The following RNF213 variants were observed in gnomAD, a reference collection of about 807,000 sequenced individuals.
RNF213 encodes the protein ring finger protein 213.
A neutral mutation model predicts 514.4 loss-of-function variants in RNF213; 341 were observed. That is an observed-to-expected ratio of 0.66 (90% confidence interval 0.61 to 0.73). The LOEUF (loss-of-function observed/expected upper bound fraction) is 0.73, where lower values mean the gene tolerates loss of function less well. Ranked by LOEUF, RNF213 falls within the 30% of genes least tolerant of loss-of-function variation. The probability of loss-of-function intolerance (pLI) is 0.00; values close to 1 mark genes in which losing one functional copy is unlikely to be tolerated. For synonymous variants in RNF213, 2,655 were observed against 2,658.2 expected (o/e 1.00, Z 0.04); for missense variants, 5,767 against 6,615.6 (o/e 0.87, Z 4.45).
chr17:80,342,673 A>G (rs1382106781), intron 26 of RNF213, among the ~76,000 whole-genome samples: 2 of 146,514 alleles, frequency 1.4e-5, no homozygotes, highest in South Asian at 2.1e-4. Context: ...TATATATTCT[A>G]TATACTTCCA....
intron 38 of RNF213, among the ~76,000 whole-genome samples, chr17:80,361,071 A>C (rs1015013923): frequency 6.6e-6 from 1 of 152,190 alleles, no homozygotes. Flanking sequence ...ATTTACTTGG[A>C]CCCGGGGGTT....
At position 80,386,369 on chromosome 17, in the gene RNF213, T is replaced by C. The variant is rs760685786; in HGVS notation, c.14659T>C (p.Leu4887=). The C allele has an allele frequency of 2.5e-6, 4 of 1,614,194 alleles. No homozygotes were observed. The highest frequency in any genetic ancestry group is 4.5e-5 in the East Asian group (2 of 44,872). ...GLCATALVSY[L]IRLHNEIVYA... ...CTGTGCTACCGCTCTCGTCAGCTAC[T>C]TGATTCGCCTACACAATGAAATTGT... is the stretch of plus-strand genomic sequence containing the variant. The change falls in exon 62 of 68, where the codon TTG becomes CTG. Residue 4887 remains leucine, a synonymous_variant. Coordinates refer to ENST00000582970, the MANE Select transcript of RNF213 (RefSeq NM_001256071.3).
At position 80,345,360 on chromosome 17, in the gene RNF213, A is replaced by G. The variant is rs1265715618; in HGVS notation, c.7025A>G (p.Lys2342Arg). The G allele has an allele frequency of 1.2e-6, 2 of 1,614,118 alleles. No homozygotes were observed. Among genetic ancestry groups the G allele is most frequent in the East Asian group, 2.2e-5 (1 of 44,880 alleles). The stretch of plus-strand genomic sequence containing the variant: ...AGTCACTTGACTGGGAAGGTCATCA[A>G]GAGAGACGTCATGACCAGGGACCTG... ...AISHLTGKVI[K>R]RDVMTRDLYQ... is the part of the protein sequence containing the mutation. The change falls in exon 29 of 68, where the codon AAG (lysine) becomes AGG (arginine). Residue 2342 changes from lysine (K) to arginine (R), a missense_variant. Coordinates refer to ENST00000582970, the MANE Select transcript of RNF213 (RefSeq NM_001256071.3). This position sits in a 1 kb window ranked among gnomAD's most constrained non-coding sequence, Gnocchi z 6.0.
At position 80,319,329 on chromosome 17, in the gene RNF213, C is replaced by T. The variant is rs201062816; in HGVS notation, c.3024+17C>T. ...GCCTGCCAGGTGAACAATCTCTCCTCCTGGGAAACGGATTCGGGCTCACAG... is the reference window on the plus strand; with the variant it reads ...GCCTGCCAGGTGAACAATCTCTCCTTCTGGGAAACGGATTCGGGCTCACAG... On this transcript the variant is annotated intron_variant, in intron 17 of 67. Transcript: ENST00000582970. 1.9e-6 allele frequency: 3 copies of T among 1,614,234 alleles called. No homozygotes were observed. Among genetic ancestry groups the T allele is most frequent in the Non-Finnish European group, 1.7e-6 (2 of 1,180,046 alleles).
rs758384014 is a variant in RNF213 at position 80,307,177 on chromosome 17, G to A, written c.2477G>A (p.Arg826Gln). 1.4e-5 allele frequency: 22 copies of A among 1,613,476 alleles called. No individual in the cohort carries two copies. The highest frequency in any genetic ancestry group is 8.3e-5 in the Admixed American group (5 of 59,934). ...CAGAACATTTTAGAAATGCTGTTGCGACTCCTGGACACTTACCGGGACAAG... is the reference window on the plus strand; with the variant it reads ...CAGAACATTTTAGAAATGCTGTTGCAACTCCTGGACACTTACCGGGACAAG... Reference protein sequence around the residue: ...NVQNILEMLLRLLDTYRDKIP... With the variant: ...NVQNILEMLLQLLDTYRDKIP... Residue 826 changes from arginine (R) to glutamine (Q), a missense_variant, in exon 13 of 68, where the codon CGA becomes CAA. Arg to Gln is a conservative substitution (Grantham distance 43, BLOSUM62 1). Coordinates refer to ENST00000582970, the MANE Select transcript of RNF213 (RefSeq NM_001256071.3).
In RNF213 at chr17:80,336,702, TTA is replaced by T. The variant is rs1334138239; in HGVS notation, c.4527+326_4527+327del. The T allele has an allele frequency of 1.1e-5, 4 of 359,602 alleles. No homozygotes were observed. In the East Asian group the frequency reaches 2.9e-4, roughly 26 times the overall value. 22.3% of individuals were successfully genotyped at this position (359,602 alleles called of 1,614,324 possible). A position where few individuals can be genotyped will look rare whatever the true frequency, so the allele number is the denominator to read the frequency against. On this transcript the variant is annotated intron_variant, in intron 23 of 67. Coordinates refer to ENST00000582970, the MANE Select transcript of RNF213 (RefSeq NM_001256071.3). ...TGTCATTTTATTCTGTTACTTTTTGTTATTTTCTATAATTGATAGAATTTTTT... is the reference window on the plus strand; with the variant it reads ...TGTCATTTTATTCTGTTACTTTTTGTTTTTCTATAATTGATAGAATTTTTT...
intron 52 of RNF213, 55 bp from the exon 53 acceptor site, chr17:80,376,827 C>A: frequency 6.8e-7 from 1 of 1,469,756 alleles, no homozygotes; most frequent in Non-Finnish European, 9.5e-7. Flanking sequence ...TGAGCAGCAG[C>A]ACCCAGGTGA....
At chr17:80,357,054 G>C (rs529524237) in intron 36 of RNF213, among the ~76,000 whole-genome samples, 1 of 151,842 alleles carries the variant, frequency 6.6e-6, no homozygotes, top group Non-Finnish European at 1.5e-5. Context: ...GAGTAGCTGG[G>C]ATTACAGGTG....
chr17:80,268,636 C>T lies in RNF213; in HGVS notation c.98-4605C>T, dbSNP rs75771827. Among the ~76,000 whole-genome samples, 478 of 104,786 alleles carry T rather than the reference C, an allele frequency of 4.6e-3. 1 individual carries two copies. The highest frequency in any genetic ancestry group is 0.02 in the Middle Eastern group (5 of 252). 68.7% of individuals were successfully genotyped at this position (104,786 alleles called of 152,430 possible). Reference sequence around the variant, plus strand: ...CCATCCATCCATCCATCCATCCATCCGTTTATCTGTCTATCTATCTGTCAT... The same window carrying T: ...CCATCCATCCATCCATCCATCCATCTGTTTATCTGTCTATCTATCTGTCAT... On this transcript the variant is annotated intron_variant, in intron 2 of 67. Transcript: ENST00000582970.
intron 22 of RNF213, 151 bp from the exon 23 acceptor site, chr17:80,336,010 G>A: frequency 3.3e-6 from 2 of 610,546 alleles, no homozygotes; most frequent in South Asian, 4.2e-5. Flanking sequence ...AAGATTAGGT[G>A]TTCCGGACTC....
intron 15 of RNF213, chr17:80,315,640 GTGGTAA>G (rs1194603253): frequency 1.6e-5 from 2 of 128,580 alleles, no homozygotes; most frequent in East Asian, 2.4e-4. Flanking sequence ...GATGGTGGTG[GTGGTAA>G]TGGAGGTGAT....
intron 56 of RNF213, chr17:80,381,269 C>T (rs1460633228): frequency 1.7e-6 from 1 of 595,316 alleles, no homozygotes; most frequent in Non-Finnish European, 3.0e-6. Flanking sequence ...ATTATTTTAC[C>T]TGTGTCTTCA....
At chr17:80,337,560 C>T (rs7211876) in intron 23 of RNF213, 26 bp from the exon 24 acceptor site, 287,497 of 1,535,182 alleles carry the variant, frequency 0.19, 28,041 homozygotes, top group East Asian at 0.28. Flanking sequence ...AACCGTGGCC[C>T]GTGTTCTCTC....
chr17:80,353,688 C>T lies in RNF213; in HGVS notation c.10578+22C>T. 6.2e-7 allele frequency: 1 copy of T among 1,614,104 alleles called. No individual in the cohort carries two copies. Among genetic ancestry groups the T allele is most frequent in the Non-Finnish European group, 8.5e-7 (1 of 1,179,978 alleles). On this transcript the variant is annotated intron_variant, in intron 34 of 67. Transcript: ENST00000582970. This position sits in a 1 kb window ranked among gnomAD's most constrained non-coding sequence, Gnocchi z 5.0. ...TGATGTAAGTTCTGGTTCTTGGGAC[C>T]TCCCCTTGTGCTGCTGGTGATGCTT...
chr17:80,288,580 G>A lies in RNF213; in HGVS notation c.811-53G>A, dbSNP rs980025372. ...TGCTGCCCCTTAAACCATTGAGTCGGAGTCACCCTGGCCCATTTTGTCACC... is the reference window on the plus strand; with the variant it reads ...TGCTGCCCCTTAAACCATTGAGTCGAAGTCACCCTGGCCCATTTTGTCACC... On this transcript the variant is annotated intron_variant, in intron 4 of 67. Coordinates refer to ENST00000582970, the MANE Select transcript of RNF213 (RefSeq NM_001256071.3). The surrounding 1 kb of genome is among the most constrained non-coding windows in gnomAD (Gnocchi z 4.9). 1.9e-6 allele frequency: 3 copies of A among 1,613,822 alleles called. No homozygotes were observed. Among genetic ancestry groups the A allele is most frequent in the Non-Finnish European group, 2.5e-6 (3 of 1,180,038 alleles).
chr17:80,350,082 G>T (rs561067580), intron 30 of RNF213, among the ~76,000 whole-genome samples, 176 bp downstream of exon 30: 1 of 152,194 alleles, frequency 6.6e-6, no homozygotes, highest in East Asian at 1.9e-4. Context: ...CTGCAACGCG[G>T]TGTCTGGCCT....
intron 3 of RNF213, among the ~76,000 whole-genome samples, chr17:80,278,424 G>A (rs1163481873): frequency 1.3e-5 from 2 of 152,238 alleles, no homozygotes; most frequent in East Asian, 1.9e-4. Context: ...CAAGGCATTC[G>A]TGTGGAGGCC....
In RNF213 at chr17:80,385,306, G is replaced by A. The variant is rs948771044; in HGVS notation, c.14455+135G>A. 2.1e-4 allele frequency: 238 copies of A among 1,151,290 alleles called. 1 individual carries two copies. Among genetic ancestry groups the A allele is most frequent in the Middle Eastern group, 5.4e-4 (2 of 3,712 alleles). The allele number at this position is 1,151,290 out of a possible 1,614,324, so 71.3% of individuals were successfully genotyped here. A position where few individuals can be genotyped will look rare whatever the true frequency, so the allele number is the denominator to read the frequency against. ...TCTATAGCCTAAGCCCTTACCATGC[G>A]GTGAAGGGTGCTTGAACCCCAAAAA... On this transcript the variant is annotated intron_variant, in intron 60 of 67. Transcript: ENST00000582970.
rs986789144 is a variant in RNF213, at chr17:80,331,922, A to G, written c.3518-84A>G. The G allele has an allele frequency of 9.7e-6, 14 of 1,440,646 alleles. No individual in the cohort carries two copies. In the African/African-American group the frequency reaches 1.7e-4, roughly 18 times the overall value. The allele number at this position is 1,440,646 out of a possible 1,614,324, so 89.2% of individuals were successfully genotyped here. A position where few individuals can be genotyped will look rare whatever the true frequency, so the allele number is the denominator to read the frequency against. On this transcript the variant is annotated intron_variant, in intron 20 of 67. Coordinates refer to ENST00000582970, the MANE Select transcript of RNF213 (RefSeq NM_001256071.3). ...GCTCTTGAGTTCGCTCAGAGAAGTG[A>G]GGAGAGAAAGTCTTAGGAAAGTGAA...
Sources: allele counts gnomAD v4.1 joint callset (sites outside exome capture counted in the v4.1 genomes callset), GRCh38; gene constraint gnomAD v4.1.1; non-coding constraint Gnocchi (gnomAD v3.1); transcripts MANE v1.5; gene names NCBI Gene and HGNC (gene_info 2026-07-23, HGNC 2026-07-21).